The following CDC73 variants were observed in gnomAD, a reference collection of about 807,000 sequenced individuals.
The protein encoded by CDC73 is parafibromin.
Under a neutral mutation model 83.7 loss-of-function variants are expected in CDC73, and 21 were observed. The observed-to-expected ratio is 0.25, with a 90% CI of 0.18 to 0.36. The LOEUF is 0.36. Ranked by LOEUF, CDC73 falls within the 10% of genes least tolerant of loss-of-function variation. The probability of loss-of-function intolerance (pLI) is 1.00; values close to 1 mark genes in which losing one functional copy is unlikely to be tolerated. For missense variants in CDC73, 342 were observed against 653.3 expected, an observed-to-expected ratio of 0.52 and a Z score of 5.19; for synonymous variants, 224 against 212.9, an observed-to-expected ratio of 1.05 and a Z score of -0.45.
At position 193,155,976 on chromosome 1, in the gene CDC73, G is replaced by C. The variant is rs186626062; in HGVS notation, c.972+3532G>C. Among the ~76,000 whole-genome samples, 7 of 152,296 alleles carry C rather than the reference G, an allele frequency of 4.6e-5. No homozygotes were observed. The East Asian group carries it at 1.3e-3, about 29-fold the overall frequency. The stretch of plus-strand genomic sequence containing the variant: ...GTTTCATAGAATCAGGTTAAGTAAA[G>C]CTATCTCAGAATTATGTGTTAGAAG... On this transcript the variant is annotated intron_variant, in intron 10 of 16. Coordinates refer to ENST00000367435, the MANE Select transcript of CDC73 (RefSeq NM_024529.5).
intron 15 of CDC73, among the ~76,000 whole-genome samples, chr1:193,248,249 C>T (rs1005672656): frequency 8.6e-5 from 13 of 152,030 alleles, no homozygotes; most frequent in African/African-American, 2.4e-4. Flanking sequence ...AACAAAAAAG[C>T]GTGAATGACA....
intron 3 of CDC73, among the ~76,000 whole-genome samples, chr1:193,134,523 T>C (rs1470600021): frequency 2.0e-5 from 3 of 151,944 alleles, no homozygotes; most frequent in African/African-American, 7.3e-5. Context: ...ACAAAAAAAT[T>C]AGCCGGGCGT....
intron 11 of CDC73, 39 bp downstream of exon 11, chr1:193,203,891 A>C: frequency 6.5e-7 from 1 of 1,544,978 alleles, no homozygotes; most frequent in African/African-American, 1.4e-5. Context: ...TTCTTTCAAA[A>C]GATCGTAACA....
intron 10 of CDC73, among the ~76,000 whole-genome samples, chr1:193,198,030 T>G (rs1677031739): frequency 1.3e-5 from 2 of 151,960 alleles, no homozygotes; most frequent in Non-Finnish European, 2.9e-5. Context: ...ATTTAATAGA[T>G]AAAGCAGTTT....
At chr1:193,153,333 A>G (rs1233815903) in intron 10 of CDC73, among the ~76,000 whole-genome samples, 8 of 152,178 alleles carry the variant, frequency 5.3e-5, no homozygotes, top group African/African-American at 1.2e-4. Context: ...CTCATTTTGC[A>G]TATTTATATT....
chr1:193,216,428 C>T (rs941846775), intron 13 of CDC73, among the ~76,000 whole-genome samples: 5 of 152,026 alleles, frequency 3.3e-5, no homozygotes, highest in Admixed American at 1.3e-4. Context: ...TAATGAGTTC[C>T]GAATTTGAAT....
intron 3 of CDC73, among the ~76,000 whole-genome samples, chr1:193,134,609 T>G (rs1049815609): frequency 1.3e-5 from 2 of 152,018 alleles, no homozygotes; most frequent in Admixed American, 1.3e-4. Context: ...AGGTGGAGCT[T>G]GCAGTAAGCC....
chr1:193,219,299 T>C (rs952466505), intron 13 of CDC73, among the ~76,000 whole-genome samples: 2 of 152,216 alleles, frequency 1.3e-5, no homozygotes, highest in African/African-American at 4.8e-5. Flanking sequence ...GGTGGGAATG[T>C]AATTTAGTTC....
chr1:193,125,584 T>A (rs1675554424), intron 2 of CDC73, among the ~76,000 whole-genome samples: 1 of 152,026 alleles, frequency 6.6e-6, no homozygotes, highest in African/African-American at 2.4e-5. Context: ...TAAAACTTTT[T>A]TTTTTTTTTT....
rs151212157 is a variant in CDC73, at chr1:193,172,699, T to C, written c.972+20255T>C. 2.3e-3 allele frequency among the ~76,000 whole-genome samples: 356 copies of C among 152,292 alleles called. 1 individual carries two copies. Among genetic ancestry groups the C allele is most frequent in the African/African-American group, 7.9e-3 (330 of 41,572 alleles). On this transcript the variant is annotated intron_variant, in intron 10 of 16. Transcript: ENST00000367435. Reference sequence around the variant, plus strand: ...ATCAGTTGTGAAGACTACAGTTACCTGGCACTGCATCCTTTTTCCCTCTTC... The same window carrying C: ...ATCAGTTGTGAAGACTACAGTTACCCGGCACTGCATCCTTTTTCCCTCTTC...
chr1:193,202,613 CTTT>C (rs35435159), intron 10 of CDC73, among the ~76,000 whole-genome samples: 14 of 126,444 alleles, frequency 1.1e-4, no homozygotes, highest in African/African-American at 2.6e-4. Context: ...CCTCAGGTGT[CTTT>C]TTTTTTTTTT....
intron 1 of CDC73, among the ~76,000 whole-genome samples, chr1:193,122,983 T>G (rs1301496041): frequency 6.6e-6 from 1 of 152,156 alleles, no homozygotes; most frequent in Non-Finnish European, 1.5e-5. Flanking sequence ...CGGAAGTGTA[T>G]TTTAAAGGGA....
chr1:193,163,166 T>TGG (rs1196483246), intron 10 of CDC73, among the ~76,000 whole-genome samples: 2 of 151,312 alleles, frequency 1.3e-5, no homozygotes, highest in Non-Finnish European at 2.9e-5. Flanking sequence ...TGTGTGTGTG[T>TGG]GTGTGTGTGT....
rs768195010 is a variant in CDC73 at position 193,233,173 on chromosome 1, A to G, written c.1316+19A>G. 1.3e-6 allele frequency: 2 copies of G among 1,595,212 alleles called. No homozygotes were observed. The highest frequency in any genetic ancestry group is 1.7e-6 in the Non-Finnish European group (2 of 1,163,658). On this transcript the variant is annotated intron_variant, in intron 14 of 16. Transcript: ENST00000367435. ...AAGACTGGTAAGATAGTCTCTATAT[A>G]TATATCTTTTCACAGGTGTTGAACC...
intron 3 of CDC73, among the ~76,000 whole-genome samples, chr1:193,131,992 C>T (rs1675703925): frequency 6.6e-6 from 1 of 152,182 alleles, no homozygotes; most frequent in Non-Finnish European, 1.5e-5. Flanking sequence ...AGGGGACAGA[C>T]AGTTGTTTGT....
intron 10 of CDC73, among the ~76,000 whole-genome samples, chr1:193,171,489 G>C (rs578053521): frequency 1.3e-5 from 2 of 152,102 alleles, no homozygotes; most frequent in Non-Finnish European, 2.9e-5. Context: ...TAAGACTGAG[G>C]TCCCTGATTG....
intron 10 of CDC73, among the ~76,000 whole-genome samples, chr1:193,169,972 C>T (rs1676492841): frequency 6.6e-6 from 1 of 152,092 alleles, no homozygotes; most frequent in Admixed American, 6.5e-5. Flanking sequence ...CGACAGGCCC[C>T]AGTATGTGTG....
rs1339635159 is a variant in CDC73 at position 193,161,671 on chromosome 1, CATATAATAT to C, written c.972+9240_972+9248del. On this transcript the variant is annotated intron_variant, in intron 10 of 16. Transcript: ENST00000367435. ...AATATATAATATATTATATATCTAT[CATATAATAT>C]ATATAATATATAATATATTATATAT... is the stretch of plus-strand genomic sequence containing the variant. 1.4e-4 allele frequency among the ~76,000 whole-genome samples: 4 copies of C among 27,836 alleles called. 1 individual carries two copies. Among genetic ancestry groups the C allele is most frequent in the African/African-American group, 4.8e-4 (3 of 6,242 alleles). The allele number at this position is 27,836 out of a possible 152,430, so 18.3% of individuals were successfully genotyped here. A position where few individuals can be genotyped will look rare whatever the true frequency, so the allele number is the denominator to read the frequency against.
chr1:193,209,460 T>A (rs997295621), intron 11 of CDC73, among the ~76,000 whole-genome samples: 5 of 152,194 alleles, frequency 3.3e-5, no homozygotes, highest in African/African-American at 1.2e-4. Context: ...GCAAAGTTAA[T>A]CAGCTTGCCT....
Sources: gnomAD v4.1 joint callset for allele counts (sites outside exome capture counted in the v4.1 genomes callset) on GRCh38, gnomAD v4.1.1 for gene constraint, MANE v1.5 for transcripts, NCBI Gene and HGNC (gene_info 2026-07-23, HGNC 2026-07-21) for gene names.